Variants in SNTG1 observed in about 807,000 individuals in gnomAD.
The protein encoded by SNTG1 is syntrophin gamma 1, also known as gamma-1-syntrophin.
Under a neutral mutation model 74.7 loss-of-function variants are expected in SNTG1, and 39 were observed. The ratio of observed to expected loss-of-function variants is 0.52; its 90% confidence interval spans 0.40 to 0.68. The LOEUF (loss-of-function observed/expected upper bound fraction) is 0.68, where lower values mean the gene tolerates loss of function less well. Ranked by LOEUF, SNTG1 falls within the 30% of genes least tolerant of loss-of-function variation. The pLI, the probability that SNTG1 is intolerant of heterozygous loss-of-function variation, is 0.00. For synonymous variants in SNTG1, 254 were observed against 217.1 expected (o/e 1.17, Z -1.49); for missense variants, 685 against 609.5 (o/e 1.12, Z -1.30).
intron 1 of SNTG1, among the ~76,000 whole-genome samples, chr8:49,953,271 T>C (rs1809883160): frequency 6.6e-6 from 1 of 152,148 alleles, no homozygotes; most frequent in Non-Finnish European, 1.5e-5. Context: ...CTCTTGTCCA[T>C]AGATAGAGTA....
chr8:50,529,661 T>A (rs1428776623), intron 9 of SNTG1, among the ~76,000 whole-genome samples: 3 of 151,880 alleles, frequency 2.0e-5, no homozygotes, highest in Admixed American at 2.0e-4. Flanking sequence ...TAATATGAAG[T>A]TTTTTCATTG....
chr8:50,388,447 TA>T (rs1451021374), intron 2 of SNTG1, among the ~76,000 whole-genome samples: 3 of 152,200 alleles, frequency 2.0e-5, no homozygotes, highest in Admixed American at 6.6e-5. Context: ...CCTTTAAATC[TA>T]ATTAGATTAC....
intron 11 of SNTG1, among the ~76,000 whole-genome samples, chr8:50,543,134 A>G (rs1490632775): frequency 2.6e-5 from 4 of 152,288 alleles, no homozygotes; most frequent in African/African-American, 9.6e-5. Flanking sequence ...TTGACGTCTT[A>G]CAGAAAACAT....
intron 2 of SNTG1, among the ~76,000 whole-genome samples, chr8:50,209,431 G>T (rs751948085): frequency 6.6e-6 from 1 of 152,178 alleles, no homozygotes; most frequent in Middle Eastern, 3.2e-3. Context: ...CCTCAAGTGG[G>T]TCCCTGACCT....
At chr8:50,472,714 T>C (rs536594535) in intron 8 of SNTG1, among the ~76,000 whole-genome samples, 2 of 152,096 alleles carry the variant, frequency 1.3e-5, no homozygotes, top group Non-Finnish European at 2.9e-5. Flanking sequence ...AAGGACACAG[T>C]CAAGAGAGTG....
Position 49,935,750 on chromosome 8 carries a change from A to G in SNTG1, c.-103+23519A>G, listed in dbSNP as rs180863814. Among the ~76,000 whole-genome samples the G allele has an allele frequency of 1.1e-4, 16 of 152,230 alleles. No homozygotes were observed. The East Asian group carries it at 3.1e-3, about 30-fold the overall frequency. ...GCTCTGGCCCAGTGTTGGAAGCCAGATTTCCCCAAACCTTGGCAACTGCAA... is the reference window on the plus strand; with the variant it reads ...GCTCTGGCCCAGTGTTGGAAGCCAGGTTTCCCCAAACCTTGGCAACTGCAA... On this transcript the variant is annotated intron_variant, in intron 1 of 18. Transcript: ENST00000642720.
intron 1 of SNTG1, among the ~76,000 whole-genome samples, chr8:50,090,771 A>G (rs1042442222): frequency 5.3e-5 from 8 of 152,142 alleles, no homozygotes; most frequent in African/African-American, 1.7e-4. Context: ...AAGAGCCATT[A>G]TATCTCTGCA....
intron 8 of SNTG1, among the ~76,000 whole-genome samples, chr8:50,460,939 A>G (rs766542991): frequency 6.6e-6 from 1 of 152,128 alleles, no homozygotes; most frequent in Non-Finnish European, 1.5e-5. Flanking sequence ...TATTACTAAT[A>G]TATTACTAGT....
intron 2 of SNTG1, among the ~76,000 whole-genome samples, chr8:50,328,308 A>T (rs1465128380): frequency 6.6e-6 from 1 of 152,162 alleles, no homozygotes; most frequent in Non-Finnish European, 1.5e-5. Context: ...CAGAGTACTA[A>T]CTTCATGCTT....
intron 8 of SNTG1, among the ~76,000 whole-genome samples, chr8:50,484,027 A>G (rs2093762256): frequency 6.6e-6 from 1 of 152,064 alleles, no homozygotes; most frequent in Admixed American, 6.5e-5. Context: ...AAATATGTAT[A>G]TATGTATGAG....
At position 50,314,965 on chromosome 8, in the gene SNTG1, T is replaced by C. The variant is rs1199682807; in HGVS notation, c.-27-79247T>C. ...TTTTTACGCCCCTTATGGTACTGGT[T>C]CTAACTATAGTGTTTTGATAGATTG... On this transcript the variant is annotated intron_variant, in intron 2 of 18. Coordinates refer to ENST00000642720, the MANE Select transcript of SNTG1 (RefSeq NM_018967.5). Among the ~76,000 whole-genome samples, 8 of 149,790 alleles carry C rather than the reference T, an allele frequency of 5.3e-5. 1 individual carries two copies. In the South Asian group the frequency reaches 1.6e-3, roughly 29 times the overall value.
At chr8:50,484,725 G>T (rs1405397623) in intron 8 of SNTG1, among the ~76,000 whole-genome samples, 2 of 151,482 alleles carry the variant, frequency 1.3e-5, no homozygotes, top group Non-Finnish European at 2.9e-5. Context: ...CACACGTGAT[G>T]GTGCATGCCT....
At chr8:49,932,587 G>T (rs1477489748) in intron 1 of SNTG1, among the ~76,000 whole-genome samples, 1 of 151,306 alleles carries the variant, frequency 6.6e-6, no homozygotes, top group Non-Finnish European at 1.5e-5. Context: ...CAATTTATTT[G>T]ATCCCTGTTG....
At chr8:50,681,645 G>T (rs889702482) in intron 15 of SNTG1, among the ~76,000 whole-genome samples, 1 of 152,122 alleles carries the variant, frequency 6.6e-6, no homozygotes, top group African/African-American at 2.4e-5. Context: ...GTAAAACAAC[G>T]AGAGAGGAGG....
At chr8:50,033,602 C>T (rs1471696913) in intron 1 of SNTG1, among the ~76,000 whole-genome samples, 1 of 152,210 alleles carries the variant, frequency 6.6e-6, no homozygotes, top group African/African-American at 2.4e-5. Flanking sequence ...CCTCTGAAGC[C>T]TTTCTTCTTG....
intron 1 of SNTG1, among the ~76,000 whole-genome samples, chr8:50,051,068 CCCT>C (rs1240156533): frequency 6.6e-6 from 1 of 151,908 alleles, no homozygotes; most frequent in Admixed American, 6.6e-5. Flanking sequence ...AATACTTTCC[CCCT>C]AAGACTGGGA....
chr8:50,196,853 G>A (rs970845302), intron 2 of SNTG1, among the ~76,000 whole-genome samples: 2 of 151,596 alleles, frequency 1.3e-5, no homozygotes, highest in African/African-American at 4.8e-5. Context: ...ATAGTGATGT[G>A]CACCTGTAAT....
At chr8:50,065,276 G>T (rs753881508) in intron 1 of SNTG1, among the ~76,000 whole-genome samples, 1 of 152,070 alleles carries the variant, frequency 6.6e-6, no homozygotes, top group Non-Finnish European at 1.5e-5. Context: ...ACTAATGCCT[G>T]GAAAAAGATA....
chr8:50,540,549 G>T (rs532010437), intron 11 of SNTG1, among the ~76,000 whole-genome samples: 30 of 152,170 alleles, frequency 2.0e-4, no homozygotes, highest in African/African-American at 6.7e-4. Context: ...CATCATTCAT[G>T]ATTTTTTTCT....
Sources: allele counts gnomAD v4.1 joint callset (sites outside exome capture counted in the v4.1 genomes callset), GRCh38; gene constraint gnomAD v4.1.1; transcripts MANE v1.5; gene names NCBI Gene and HGNC (gene_info 2026-07-23, HGNC 2026-07-21).